Variants in PRICKLE2 observed in about 807,000 individuals in gnomAD.
PRICKLE2 encodes the protein prickle planar cell polarity protein 2.
PRICKLE2 carries 21 observed loss-of-function variants against 81.4 expected under a neutral mutation model. The observed-to-expected ratio is 0.26, with a 90% CI of 0.18 to 0.37. The LOEUF is 0.37. PRICKLE2 is among the 10% of genes least tolerant of loss of function. PRICKLE2 has a pLI of 1.00. For missense variants in PRICKLE2, 940 were observed against 1,109.0 expected (o/e 0.85, Z 2.16); for synonymous variants, 456 against 421.5 (o/e 1.08, Z -1.00).
chr3:64,116,799 C>G (rs1228944647), intron 7 of PRICKLE2, among the ~76,000 whole-genome samples: 1 of 152,150 alleles, frequency 6.6e-6, no homozygotes, highest in Non-Finnish European at 1.5e-5. Context: ...CCTACTGAAA[C>G]TATTCCAAAA....
chr3:64,113,755 A>T (rs557422722), intron 7 of PRICKLE2, among the ~76,000 whole-genome samples: 1 of 151,260 alleles, frequency 6.6e-6, no homozygotes, highest in South Asian at 2.1e-4. Flanking sequence ...TGCACAGAGA[A>T]CAGCGGACAC....
At chr3:64,250,479 C>A (rs1200347314) in intron 2 of PRICKLE2, among the ~76,000 whole-genome samples, 1 of 152,024 alleles carries the variant, frequency 6.6e-6, no homozygotes, top group Non-Finnish European at 1.5e-5. Flanking sequence ...GGGCATACAA[C>A]CCAAACTGAC....
chr3:64,184,910 T>C (rs1185575067), intron 2 of PRICKLE2, among the ~76,000 whole-genome samples: 1 of 152,192 alleles, frequency 6.6e-6, no homozygotes, highest in African/African-American at 2.4e-5. Context: ...TTTATCCATG[T>C]CATTTGACCT....
chr3:64,131,420 A>G (rs1390038890), intron 7 of PRICKLE2, among the ~76,000 whole-genome samples: 1 of 152,220 alleles, frequency 6.6e-6, no homozygotes, highest in Non-Finnish European at 1.5e-5. Flanking sequence ...ATATCCAAAG[A>G]GCCCTGATAA....
chr3:64,221,226 T>C (rs575900130), intron 1 of PRICKLE2, among the ~76,000 whole-genome samples: 1 of 152,038 alleles, frequency 6.6e-6, no homozygotes, highest in Non-Finnish European at 1.5e-5. Flanking sequence ...ACTCACACAC[T>C]CTCTCCCCTC....
chr3:64,108,948 G>A (rs145589052), intron 7 of PRICKLE2, among the ~76,000 whole-genome samples: 77 of 152,190 alleles, frequency 5.1e-4, no homozygotes, highest in Admixed American at 8.5e-4. Flanking sequence ...CATCCCTCTG[G>A]TTGTGACAGC....
chr3:64,237,105 C>T (rs145091452), intron 2 of PRICKLE2, among the ~76,000 whole-genome samples: 27 of 152,124 alleles, frequency 1.8e-4, no homozygotes, highest in African/African-American at 5.3e-4. Context: ...TATGGGCAAT[C>T]GGCAGGAGGA....
At chr3:64,159,415 C>T (rs752881076) in intron 4 of PRICKLE2, among the ~76,000 whole-genome samples, 2 of 152,328 alleles carry the variant, frequency 1.3e-5, no homozygotes, top group East Asian at 1.9e-4. Flanking sequence ...CATGCCATTG[C>T]TCTGCTCAAT....
chr3:64,153,412 A>G (rs1024706866), intron 5 of PRICKLE2, 44 bp from the exon 6 acceptor site: 14 of 1,594,804 alleles, frequency 8.8e-6, no homozygotes, highest in African/African-American at 1.3e-5. Context: ...AAACCCATCC[A>G]GAACATATTT....
At chr3:64,118,059 G>A (rs72874646) in intron 7 of PRICKLE2, among the ~76,000 whole-genome samples, 8,521 of 152,140 alleles carry the variant, frequency 0.056, 766 homozygotes, top group African/African-American at 0.19. Context: ...CACACCTATA[G>A]CTATCTGATC....
Position 64,180,236 on chromosome 3 carries a change from A to C in PRICKLE2, c.145-17107T>G, listed in dbSNP as rs755881739. ...AATGTGCCCAGGTTCATCCTCAACA[A>C]AGACCATGTGGTCCTTGAAGGGACT... On this transcript the variant is annotated intron_variant, in intron 2 of 7. Transcript: ENST00000638394. 1.3e-3 allele frequency among the ~76,000 whole-genome samples: 201 copies of C among 152,352 alleles called. 4 individuals carry two copies. The highest frequency in any genetic ancestry group is 2.3e-3 in the South Asian group (11 of 4,830).
At chr3:64,140,867 A>T (rs2077350403) in intron 7 of PRICKLE2, among the ~76,000 whole-genome samples, 1 of 152,154 alleles carries the variant, frequency 6.6e-6, no homozygotes, top group South Asian at 2.1e-4. Context: ...CTGTCACAGG[A>T]GAGAAAATGC....
intron 7 of PRICKLE2, among the ~76,000 whole-genome samples, chr3:64,142,905 TG>T (rs2077385990): frequency 1.3e-5 from 2 of 152,298 alleles, no homozygotes; most frequent in Admixed American, 1.3e-4. Flanking sequence ...AATTGAGTTT[TG>T]CAGAGTTTAA....
intron 2 of PRICKLE2, among the ~76,000 whole-genome samples, chr3:64,242,102 A>C (rs574188913): frequency 9.9e-5 from 15 of 152,178 alleles, no homozygotes; most frequent in African/African-American, 2.6e-4. Flanking sequence ...TCTTTTTTGC[A>C]AGCAGCTTAA....
At chr3:64,164,951 C>A (rs779817886) in intron 2 of PRICKLE2, among the ~76,000 whole-genome samples, 4 of 152,176 alleles carry the variant, frequency 2.6e-5, no homozygotes, top group South Asian at 2.1e-4. Flanking sequence ...TAAAAAAGCA[C>A]GCCCAGTCTC....
intron 1 of PRICKLE2, among the ~76,000 whole-genome samples, chr3:64,207,466 G>C (rs1459732621): frequency 1.3e-5 from 2 of 152,092 alleles, no homozygotes; most frequent in Non-Finnish European, 2.9e-5. Context: ...CATTCTACGT[G>C]TTCCTCATCA....
In PRICKLE2 at chr3:64,225,229, G is replaced by C. The variant is rs1270940961; in HGVS notation, c.-360C>G. On this transcript the variant is annotated 5_prime_UTR_variant, in exon 1 of 8. The change creates a new upstream start codon in the 5' untranslated region. Transcript: ENST00000638394. ...TCCTCTAGATCAGCCTGAGTGCTCAGATCGCCTTCCGGAGGACCCCCAGTT... is the reference window on the plus strand; with the variant it reads ...TCCTCTAGATCAGCCTGAGTGCTCACATCGCCTTCCGGAGGACCCCCAGTT... 1 of 985,336 alleles carries C rather than the reference G, an allele frequency of 1.0e-6. No individual in the cohort carries two copies. Among genetic ancestry groups the C allele is most frequent in the African/African-American group, 1.7e-5 (1 of 57,212 alleles). 61.0% of individuals were successfully genotyped at this position (985,336 alleles called of 1,614,324 possible).
intron 7 of PRICKLE2, among the ~76,000 whole-genome samples, chr3:64,112,029 C>T (rs153716): frequency 0.69 from 105,293 of 152,092 alleles, 36,645 homozygotes; most frequent in East Asian, 0.79. Context: ...CTCAACGGCA[C>T]GTCTCATACA....
At chr3:64,110,840 G>A (rs982149468) in intron 7 of PRICKLE2, among the ~76,000 whole-genome samples, 8 of 151,402 alleles carry the variant, frequency 5.3e-5, no homozygotes, top group Non-Finnish European at 1.0e-4. Flanking sequence ...GTCCACTCTG[G>A]GTTTTAAAAG....
Sources: gnomAD v4.1 joint callset for allele counts (sites outside exome capture counted in the v4.1 genomes callset) on GRCh38, gnomAD v4.1.1 for gene constraint, MANE v1.5 for transcripts, NCBI Gene and HGNC (gene_info 2026-07-23, HGNC 2026-07-21) for gene names.